SV2C: variants seen among roughly 807,000 people sequenced by gnomAD.
The protein encoded by SV2C is solute carrier family 22 member B3.
SV2C carries 49 observed loss-of-function variants against 79.7 expected under a neutral mutation model. The observed-to-expected ratio is 0.61, with a 90% CI of 0.49 to 0.78. The LOEUF is 0.78. Ranked by LOEUF, SV2C falls within the 30% of genes least tolerant of loss-of-function variation. The pLI is 0.00. For missense variants in SV2C, 833 were observed against 912.9 expected, an observed-to-expected ratio of 0.91 and a Z score of 1.13; for synonymous variants, 334 against 333.2, an observed-to-expected ratio of 1.00 and a Z score of -0.03.
At chr5:76,349,719 G>T (rs1749613234) in intron 12 of SV2C, among the ~76,000 whole-genome samples, 1 of 149,768 alleles carries the variant, frequency 6.7e-6, no homozygotes, top group African/African-American at 2.5e-5. Context: ...ACCCAGGCTG[G>T]ACTGCAGTGG....
the SV2C span, among the ~76,000 whole-genome samples, chr5:75,979,801 C>T: frequency 6.6e-6 from 1 of 152,088 alleles, no homozygotes; most frequent in African/African-American, 2.4e-5. Flanking sequence ...AACAACCTAA[C>T]ATCACAACTA....
intron 1 of SV2C, among the ~76,000 whole-genome samples, chr5:76,092,034 T>A (rs1198518677): frequency 2.6e-5 from 4 of 152,178 alleles, no homozygotes; most frequent in Non-Finnish European, 5.9e-5. Flanking sequence ...TTGAAGATGT[T>A]GTTAGTTAAA....
At chr5:76,034,487 T>G in the SV2C span, among the ~76,000 whole-genome samples, 13 of 152,254 alleles carry the variant, frequency 8.5e-5, no homozygotes, top group Admixed American at 2.6e-4. Flanking sequence ...AAAGGCCTTT[T>G]CTGCATCTGT....
chr5:76,045,130 T>G, the SV2C span, among the ~76,000 whole-genome samples: 1 of 152,242 alleles, frequency 6.6e-6, no homozygotes, highest in Non-Finnish European at 1.5e-5. Flanking sequence ...TTTCAGCGTA[T>G]GGCTAACCAG....
intron 4 of SV2C, among the ~76,000 whole-genome samples, chr5:76,228,972 G>A (rs191093917): frequency 2.6e-5 from 4 of 152,258 alleles, no homozygotes; most frequent in Non-Finnish European, 4.4e-5. Flanking sequence ...CACCCAAGAA[G>A]CCACAGGTAC....
chr5:76,186,217 TC>T (rs1371249183), intron 2 of SV2C, among the ~76,000 whole-genome samples: 1 of 152,200 alleles, frequency 6.6e-6, no homozygotes, highest in Non-Finnish European at 1.5e-5. Context: ...CCTTCCCACA[TC>T]TTCCTGTCTT....
chr5:76,055,411 T>C, the SV2C span, among the ~76,000 whole-genome samples: 3 of 152,194 alleles, frequency 2.0e-5, no homozygotes, highest in Non-Finnish European at 4.4e-5. Context: ...ACTTGTAGTA[T>C]AGTTTAGTGT....
At chr5:76,019,964 G>C in the SV2C span, among the ~76,000 whole-genome samples, 1,257 of 152,252 alleles carry the variant, frequency 8.3e-3, 27 homozygotes, top group African/African-American at 0.029. Context: ...TTAAGTCTCT[G>C]GTAGTTGTCC....
chr5:76,285,321 A>G (rs1392119259), intron 5 of SV2C, 26 bp downstream of exon 5: 2 of 1,611,784 alleles, frequency 1.2e-6, no homozygotes, highest in Non-Finnish European at 1.7e-6. Context: ...GCAGATACTC[A>G]GGTAGCCCAC....
chr5:76,306,241 A>AGAT (rs1336669183), intron 12 of SV2C, among the ~76,000 whole-genome samples: 2 of 151,930 alleles, frequency 1.3e-5, no homozygotes, highest in African/African-American at 2.4e-5. Flanking sequence ...TTATTTTAAG[A>AGAT]GATGGGGTCT....
intron 12 of SV2C, among the ~76,000 whole-genome samples, chr5:76,350,722 T>G (rs1373647580): frequency 6.6e-6 from 1 of 152,104 alleles, no homozygotes; most frequent in African/African-American, 2.4e-5. Flanking sequence ...ATCAACAAAA[T>G]TCTGTAAGAT....
chr5:76,309,567 T>A (rs1156314657), intron 12 of SV2C, among the ~76,000 whole-genome samples: 1 of 120,120 alleles, frequency 8.3e-6, no homozygotes, highest in Non-Finnish European at 1.6e-5. Context: ...ACCACTGTGC[T>A]CCAGCCTGGG....
At chr5:76,032,223 C>CT in the SV2C span, among the ~76,000 whole-genome samples, 16,208 of 148,592 alleles carry the variant, frequency 0.11, 2,745 homozygotes, top group African/African-American at 0.37. Context: ...ACCATATCTT[C>CT]TTTTTTTTTT....
At chr5:76,167,767 AAG>A (rs1009510702) in intron 2 of SV2C, among the ~76,000 whole-genome samples, 1 of 152,222 alleles carries the variant, frequency 6.6e-6, no homozygotes. Context: ...GCTGGTGGTG[AAG>A]AGTCTTCAGA....
chr5:76,257,579 T>C (rs1746326053), intron 4 of SV2C, among the ~76,000 whole-genome samples: 1 of 150,186 alleles, frequency 6.7e-6, no homozygotes, highest in Non-Finnish European at 1.5e-5. Flanking sequence ...GGGACATGGA[T>C]ATGTGTGGTA....
chr5:76,009,918 A>G, the SV2C span, among the ~76,000 whole-genome samples: 4 of 152,120 alleles, frequency 2.6e-5, no homozygotes, highest in African/African-American at 9.7e-5. Flanking sequence ...AGTGAAAAAT[A>G]AAATAAAAGA....
the SV2C span, among the ~76,000 whole-genome samples, chr5:75,914,755 C>A: frequency 6.6e-6 from 1 of 152,178 alleles, no homozygotes; most frequent in Non-Finnish European, 1.5e-5. Context: ...TGAGTGGTTT[C>A]TATTATTACA....
intron 1 of SV2C, among the ~76,000 whole-genome samples, chr5:76,092,337 A>G (rs763658253): frequency 2.6e-5 from 4 of 152,226 alleles, no homozygotes; most frequent in Non-Finnish European, 5.9e-5. Context: ...ATGTGTAAGT[A>G]TTAGTGTTCT....
the SV2C span, among the ~76,000 whole-genome samples, chr5:75,856,682 A>G: frequency 6.6e-6 from 1 of 152,146 alleles, no homozygotes; most frequent in African/African-American, 2.4e-5. Context: ...CACCTTACAT[A>G]TTCTAGGTAT....
Sources: allele counts gnomAD v4.1 joint callset (sites outside exome capture counted in the v4.1 genomes callset), GRCh38; gene constraint gnomAD v4.1.1; transcripts MANE v1.5; gene names NCBI Gene and HGNC (gene_info 2026-07-23, HGNC 2026-07-21).